Variants in RELN observed in about 807,000 individuals in gnomAD.
The protein encoded by RELN is reelin.
RELN carries 108 observed loss-of-function variants against 427.6 expected under a neutral mutation model. That is an observed-to-expected ratio of 0.25 (90% CI 0.22 to 0.30). The LOEUF is 0.30. RELN is among the 10% of genes least tolerant of loss of function. The pLI, the probability that RELN is intolerant of heterozygous loss-of-function variation, is 1.00. For synonymous variants in RELN, 1,524 were observed against 1,513.4 expected, an observed-to-expected ratio of 1.01 and a Z score of -0.16; for missense variants, 3,715 against 4,302.8, an observed-to-expected ratio of 0.86 and a Z score of 3.82.
At chr7:103,887,278 C>T (rs1038740964) in intron 2 of RELN, among the ~76,000 whole-genome samples, 1 of 152,108 alleles carries the variant, frequency 6.6e-6, no homozygotes, top group East Asian at 1.9e-4. Flanking sequence ...AACAGTGACA[C>T]GGAAGTGAGG....
At chr7:103,714,061 A>C (rs926896407) in intron 8 of RELN, among the ~76,000 whole-genome samples, 1 of 152,200 alleles carries the variant, frequency 6.6e-6, no homozygotes, top group African/African-American at 2.4e-5. Flanking sequence ...TCCCAGTCTT[A>C]GGCATATAAT....
intron 6 of RELN, among the ~76,000 whole-genome samples, chr7:103,744,726 A>C (rs559968933): frequency 2.0e-5 from 3 of 152,364 alleles, no homozygotes; most frequent in East Asian, 3.9e-4. Context: ...AAGAAGTTGA[A>C]TCTCTGAATA....
At chr7:103,489,657 T>C (rs1410794968) in intron 60 of RELN, 85 bp downstream of exon 60, 1 of 1,491,922 alleles carries the variant, frequency 6.7e-7, no homozygotes, top group Non-Finnish European at 9.2e-7. Context: ...TTTCTATCCA[T>C]TTCCTAGTGG....
chr7:103,675,698 C>T (rs1462779717), intron 11 of RELN, among the ~76,000 whole-genome samples: 2 of 152,126 alleles, frequency 1.3e-5, no homozygotes, highest in African/African-American at 4.8e-5. Context: ...AGATATAGAC[C>T]AATGGAACAG....
At chr7:103,681,016 A>G (rs138487779) in intron 11 of RELN, among the ~76,000 whole-genome samples, 322 of 152,272 alleles carry the variant, frequency 2.1e-3, no homozygotes, top group African/African-American at 7.4e-3. Flanking sequence ...GTAGAAATTC[A>G]GAGTTTGACA....
intron 1 of RELN, among the ~76,000 whole-genome samples, chr7:103,942,560 G>A (rs1304896969): frequency 1.3e-5 from 2 of 152,114 alleles, no homozygotes; most frequent in African/African-American, 2.4e-5. Flanking sequence ...CAGAATTCCC[G>A]GCAGAATGTG....
intron 2 of RELN, among the ~76,000 whole-genome samples, chr7:103,907,415 GAAAAAAA>G (rs941182837): frequency 2.3e-5 from 1 of 44,080 alleles, no homozygotes. Flanking sequence ...CAAGGCTCTG[GAAAAAAA>G]AAAAAAAAAA....
intron 3 of RELN, among the ~76,000 whole-genome samples, chr7:103,806,349 G>C (rs1792599744): frequency 6.6e-6 from 1 of 151,730 alleles, no homozygotes; most frequent in East Asian, 1.9e-4. Context: ...TTTTTAGACA[G>C]AGTCTCGCTC....
chr7:103,775,682 CA>C (rs1791720296), intron 4 of RELN, among the ~76,000 whole-genome samples: 2 of 152,098 alleles, frequency 1.3e-5, no homozygotes, highest in African/African-American at 4.8e-5. Context: ...ATGACATTTA[CA>C]AAGACTGACA....
At chr7:103,575,263 C>A (rs950601465) in intron 29 of RELN, among the ~76,000 whole-genome samples, 7 of 152,164 alleles carry the variant, frequency 4.6e-5, no homozygotes, top group African/African-American at 1.7e-4. Flanking sequence ...ACCTCAATGT[C>A]TGGCATGAAG....
chr7:103,582,820 A>G (rs1481890502), intron 28 of RELN, among the ~76,000 whole-genome samples: 2 of 152,220 alleles, frequency 1.3e-5, no homozygotes, highest in East Asian at 3.8e-4. Context: ...AAAAGTCAGA[A>G]TGAGATAGGT....
chr7:103,623,524 G>C, intron 20 of RELN, among the ~76,000 whole-genome samples: 1 of 152,046 alleles, frequency 6.6e-6, no homozygotes, highest in Admixed American at 6.6e-5. Flanking sequence ...ATCTAATATT[G>C]CATTTAGGCA....
At chr7:103,775,065 G>A (rs1485562356) in intron 4 of RELN, among the ~76,000 whole-genome samples, 1 of 152,026 alleles carries the variant, frequency 6.6e-6, no homozygotes, top group Non-Finnish European at 1.5e-5. Flanking sequence ...AAAATTTAAG[G>A]CTTAAAAGAA....
At chr7:103,805,943 C>T (rs1032218063) in intron 3 of RELN, among the ~76,000 whole-genome samples, 5 of 151,772 alleles carry the variant, frequency 3.3e-5, no homozygotes, top group Non-Finnish European at 2.9e-5. Flanking sequence ...ATTTTTTTTT[C>T]ACACAAAAGA....
rs118165388 is a variant in RELN at position 103,556,816 on chromosome 7, G to A, written c.5797+161C>T. On this transcript the variant is annotated intron_variant, in intron 38 of 64. Coordinates refer to ENST00000428762, the MANE Select transcript of RELN (RefSeq NM_005045.4). ...CTGGGTTTGTCTTTATCAAGAGCAC[G>A]AAAACGGACTAATACATTTGTCAAA... Among the ~76,000 whole-genome samples, 975 of 152,284 alleles carry A rather than the reference G, an allele frequency of 6.4e-3. 20 individuals carry two copies. Among genetic ancestry groups the A allele is most frequent in the Admixed American group, 0.05 (760 of 15,288 alleles).
chr7:103,497,787 C>T lies in RELN; in HGVS notation c.8950+33G>A, dbSNP rs781437733. 57 of 1,571,458 alleles carry T rather than the reference C, an allele frequency of 3.6e-5. No individual in the cohort carries two copies. The Admixed American group carries it at 8.2e-4, about 23-fold the overall frequency. ...GTGTTGGATGGAATTTGGGAATCTG[C>T]TCCAAGGGGTGGTTTTCACCCCTGA... On this transcript the variant is annotated intron_variant, in intron 55 of 64. Transcript: ENST00000428762.
At position 103,579,966 on chromosome 7, in the gene RELN, T is replaced by A. The variant is rs1306851153; in HGVS notation, c.4146-4261A>T. Among the ~76,000 whole-genome samples the A allele has an allele frequency of 2.6e-5, 4 of 152,330 alleles. No individual in the cohort carries two copies. The East Asian group carries it at 5.8e-4, about 22-fold the overall frequency. On this transcript the variant is annotated intron_variant, in intron 28 of 64. Coordinates refer to ENST00000428762, the MANE Select transcript of RELN (RefSeq NM_005045.4). Reference sequence around the variant, plus strand: ...CATAGTGTACCTAGAGCAGGCTACATAGCATATTGCCTGGATGGGGATGTC... The same window carrying A: ...CATAGTGTACCTAGAGCAGGCTACAAAGCATATTGCCTGGATGGGGATGTC...
In RELN at chr7:103,626,726, T is replaced by G. The variant is rs902672293; in HGVS notation, c.2702+3214A>C. 6.6e-6 allele frequency among the ~76,000 whole-genome samples: 1 copy of G among 152,114 alleles called. No individual in the cohort carries two copies. Among genetic ancestry groups the G allele is most frequent in the Non-Finnish European group, 1.5e-5 (1 of 67,996 alleles). On this transcript the variant is annotated intron_variant, in intron 20 of 64. Transcript: ENST00000428762. This position sits in a 1 kb window ranked among gnomAD's most constrained non-coding sequence, Gnocchi z 4.4. The stretch of plus-strand genomic sequence containing the variant: ...TGTTGTATCTAGCTGGTTTATTAGA[T>G]GGGGCAGAGGAATGTTAATGTTCCC...
At chr7:103,798,522 T>C (rs1484237715) in intron 3 of RELN, among the ~76,000 whole-genome samples, 1 of 152,104 alleles carries the variant, frequency 6.6e-6, no homozygotes, top group Non-Finnish European at 1.5e-5. Context: ...AAGAAGAATA[T>C]AGCGGTTTGG....
Sources: allele counts gnomAD v4.1 joint callset (sites outside exome capture counted in the v4.1 genomes callset), GRCh38; gene constraint gnomAD v4.1.1; non-coding constraint Gnocchi (gnomAD v3.1); transcripts MANE v1.5; gene names NCBI Gene and HGNC (gene_info 2026-07-23, HGNC 2026-07-21).